RIT2: variants seen among roughly 807,000 people sequenced by gnomAD.
RIT2 encodes the protein Ras like without CAAX 2, also known as GTP-binding protein Rit2.
Under a neutral mutation model 23.7 loss-of-function variants are expected in RIT2, and 24 were observed. The ratio of observed to expected loss-of-function variants is 1.01; its 90% confidence interval spans 0.73 to 1.43. RIT2 has a LOEUF of 1.43. Among genes scored for constraint, RIT2 ranks in the 40% most tolerant of loss-of-function variants. RIT2 has a pLI of 0.00. For synonymous variants in RIT2, 107 were observed against 91.1 expected, an observed-to-expected ratio of 1.17 and a Z score of -0.99; for missense variants, 236 against 266.9, an observed-to-expected ratio of 0.88 and a Z score of 0.81.
At chr18:42,786,398 T>C (rs967577797) in intron 4 of RIT2, among the ~76,000 whole-genome samples, 66 of 152,200 alleles carry the variant, frequency 4.3e-4, no homozygotes, top group African/African-American at 1.5e-3. Flanking sequence ...AATATATTTA[T>C]AGAATAATTT....
intron 4 of RIT2, among the ~76,000 whole-genome samples, chr18:42,853,684 T>C (rs1274202999): frequency 6.6e-6 from 1 of 152,206 alleles, no homozygotes; most frequent in Admixed American, 6.5e-5. Flanking sequence ...GGATTTGCCC[T>C]TTTAGATCTG....
chr18:42,882,101 A>G (rs1457559825), intron 4 of RIT2, among the ~76,000 whole-genome samples: 1 of 152,050 alleles, frequency 6.6e-6, no homozygotes, highest in Non-Finnish European at 1.5e-5. Flanking sequence ...TTTCCATTTG[A>G]TTATTTTTTA....
chr18:43,064,383 C>T (rs1364716608), intron 1 of RIT2, among the ~76,000 whole-genome samples: 1 of 152,098 alleles, frequency 6.6e-6, no homozygotes, highest in African/African-American at 2.4e-5. Flanking sequence ...AGCTTATTCC[C>T]CTGACTGCAG....
chr18:43,049,511 T>C lies in RIT2; in HGVS notation c.104-15644A>G, dbSNP rs77831161. On this transcript the variant is annotated intron_variant, in intron 1 of 4. Coordinates refer to ENST00000326695, the MANE Select transcript of RIT2 (RefSeq NM_002930.4). ...AGAGGTAAAAGGGGTAAATTCTATC[T>C]TCAAGGAACTCACAGCAGAATGAAG... Among the ~76,000 whole-genome samples the C allele has an allele frequency of 4.5e-3, 682 of 152,244 alleles. 5 individuals carry two copies. The highest frequency in any genetic ancestry group is 0.016 in the African/African-American group (652 of 41,538).
At chr18:43,115,025 C>T (rs888752632) in intron 1 of RIT2, among the ~76,000 whole-genome samples, 1 of 152,144 alleles carries the variant, frequency 6.6e-6, no homozygotes, top group Non-Finnish European at 1.5e-5. Flanking sequence ...GTGTTTGTAA[C>T]TGTGTTTAAT....
intron 2 of RIT2, among the ~76,000 whole-genome samples, chr18:42,992,136 C>T (rs966949529): frequency 3.1e-5 from 2 of 64,094 alleles, no homozygotes; most frequent in African/African-American, 9.8e-5. Context: ...TATGGGCAAA[C>T]TTCCACCCTC....
intron 2 of RIT2, among the ~76,000 whole-genome samples, chr18:43,033,175 T>A (rs1336155114): frequency 6.6e-6 from 1 of 152,168 alleles, no homozygotes; most frequent in East Asian, 1.9e-4. Context: ...AGTAAAGCAA[T>A]TTTAAAGGCA....
At chr18:42,933,160 T>C (rs1212826412) in intron 3 of RIT2, among the ~76,000 whole-genome samples, 2 of 152,152 alleles carry the variant, frequency 1.3e-5, no homozygotes, top group Non-Finnish European at 2.9e-5. Flanking sequence ...TACTTTGATG[T>C]GCTAACTCTA....
At chr18:42,904,142 AT>A in intron 4 of RIT2, among the ~76,000 whole-genome samples, 1 of 152,204 alleles carries the variant, frequency 6.6e-6, no homozygotes, top group South Asian at 2.1e-4. Flanking sequence ...TTAATATCTA[AT>A]ATTTGATCAA....
At chr18:42,996,758 T>G (rs1910994215) in intron 2 of RIT2, among the ~76,000 whole-genome samples, 1 of 152,142 alleles carries the variant, frequency 6.6e-6, no homozygotes, top group Non-Finnish European at 1.5e-5. Context: ...ATTAAAAGCT[T>G]TATTGCTCAC....
chr18:42,803,068 T>G (rs1347019676), intron 4 of RIT2, among the ~76,000 whole-genome samples: 1 of 152,180 alleles, frequency 6.6e-6, no homozygotes, highest in African/African-American at 2.4e-5. Flanking sequence ...CACTCATTCC[T>G]TCATTCACAT....
At chr18:42,755,159 A>G (rs996676547) in intron 4 of RIT2, among the ~76,000 whole-genome samples, 1 of 152,188 alleles carries the variant, frequency 6.6e-6, no homozygotes, top group Non-Finnish European at 1.5e-5. Flanking sequence ...ACTGTCTGAA[A>G]AAAAGACAGA....
chr18:43,015,696 G>A (rs144650570), intron 2 of RIT2, among the ~76,000 whole-genome samples: 589 of 151,794 alleles, frequency 3.9e-3, no homozygotes, highest in Admixed American at 6.4e-3. Flanking sequence ...CCCAGAATGA[G>A]TTTCCAAAAG....
At chr18:42,780,138 G>A (rs561474619) in intron 4 of RIT2, among the ~76,000 whole-genome samples, 13 of 130,564 alleles carry the variant, frequency 1.0e-4, no homozygotes, top group Non-Finnish European at 1.9e-4. Context: ...TGTACCCATG[G>A]TGTTGGGTTA....
chr18:43,035,491 C>G (rs545897406), intron 1 of RIT2, among the ~76,000 whole-genome samples: 1 of 152,274 alleles, frequency 6.6e-6, no homozygotes, highest in African/African-American at 2.4e-5. Context: ...GAACTTCAGT[C>G]AGGCTCCTCT....
At chr18:42,968,347 C>T (rs1910286654) in intron 3 of RIT2, among the ~76,000 whole-genome samples, 1 of 152,166 alleles carries the variant, frequency 6.6e-6, no homozygotes, top group African/African-American at 2.4e-5. Context: ...AATTGCTATA[C>T]AGCAGGAGAT....
intron 4 of RIT2, among the ~76,000 whole-genome samples, chr18:42,746,258 G>A (rs1912914184): frequency 6.6e-6 from 1 of 152,116 alleles, no homozygotes; most frequent in African/African-American, 2.4e-5. Context: ...AGCATGGCAA[G>A]AGTGGAGAGA....
chr18:43,110,458 A>G (rs1437262658), intron 1 of RIT2, among the ~76,000 whole-genome samples: 1 of 152,166 alleles, frequency 6.6e-6, no homozygotes, highest in Non-Finnish European at 1.5e-5. Context: ...ATGCTCTGGC[A>G]TTGAGGAACG....
intron 3 of RIT2, among the ~76,000 whole-genome samples, chr18:42,969,299 C>G (rs1055736883): frequency 6.6e-6 from 1 of 152,004 alleles, no homozygotes; most frequent in Non-Finnish European, 1.5e-5. Flanking sequence ...AGGAAGGGGT[C>G]ATGCCCTTAA....
Sources: gnomAD v4.1 joint callset for allele counts (sites outside exome capture counted in the v4.1 genomes callset) on GRCh38, gnomAD v4.1.1 for gene constraint, MANE v1.5 for transcripts, NCBI Gene and HGNC (gene_info 2026-07-23, HGNC 2026-07-21) for gene names.